MTFR1: variants seen among roughly 807,000 people sequenced by gnomAD.
The protein encoded by MTFR1 is mitochondrial fission regulator 1, also known as chondrocyte protein with a poly-proline region.
MTFR1 carries 28 observed loss-of-function variants against 38.8 expected under a neutral mutation model. The ratio of observed to expected loss-of-function variants is 0.72; its 90% CI spans 0.53 to 0.99. The LOEUF (loss-of-function observed/expected upper bound fraction) is 0.99, where lower values mean the gene tolerates loss of function less well. Among genes scored for constraint, MTFR1 ranks in the 50% least tolerant of loss-of-function variants. MTFR1 has a pLI of 0.00. For missense variants in MTFR1, 358 were observed against 395.5 expected (o/e 0.91, Z 0.81); for synonymous variants, 145 against 137.0 (o/e 1.06, Z -0.41).
chr8:65,676,949 G>A (rs1804724951), intron 2 of MTFR1, among the ~76,000 whole-genome samples: 1 of 151,796 alleles, frequency 6.6e-6, no homozygotes, highest in Admixed American at 6.6e-5. Context: ...GTTATGGACT[G>A]TCATTACTAG....
chr8:65,773,082 T>C (rs771743253), downstream of MTFR1, among the ~76,000 whole-genome samples: 1 of 152,096 alleles, frequency 6.6e-6, no homozygotes, highest in Non-Finnish European at 1.5e-5. Flanking sequence ...TTTAGGACAA[T>C]CAGAGGAGTC....
downstream of MTFR1, among the ~76,000 whole-genome samples, chr8:65,712,881 C>G (rs189505657): frequency 6.6e-6 from 1 of 152,344 alleles, no homozygotes; most frequent in African/African-American, 2.4e-5. Context: ...TCTGTAACTT[C>G]TTTTACTGAT....
At chr8:65,757,709 C>T (rs1285952894) in intron 3 of MTFR1, among the ~76,000 whole-genome samples, 1 of 152,178 alleles carries the variant, frequency 6.6e-6, no homozygotes, top group Non-Finnish European at 1.5e-5. Context: ...ACCTCTGCTT[C>T]CCGGGTCCAA....
intron 1 of MTFR1, among the ~76,000 whole-genome samples, chr8:65,668,921 A>G (rs1186469765): frequency 6.6e-6 from 1 of 152,190 alleles, no homozygotes; most frequent in African/African-American, 2.4e-5. Flanking sequence ...TCTATACCAT[A>G]CAAGTTAACA....
chr8:65,775,842 T>TG (rs1809244335), downstream of MTFR1, among the ~76,000 whole-genome samples: 1 of 152,214 alleles, frequency 6.6e-6, no homozygotes, highest in South Asian at 2.1e-4. Flanking sequence ...TTGGCCAGGC[T>TG]GGTCTTAAAC....
chr8:65,701,383 G>A (rs923068485), intron 4 of MTFR1, among the ~76,000 whole-genome samples: 1 of 152,212 alleles, frequency 6.6e-6, no homozygotes, highest in African/African-American at 2.4e-5. Context: ...TGACATCATA[G>A]ACATTGTCAT....
intron 1 of MTFR1, among the ~76,000 whole-genome samples, chr8:65,652,507 T>C (rs1424883230): frequency 6.6e-6 from 1 of 152,238 alleles, no homozygotes; most frequent in Non-Finnish European, 1.5e-5. Flanking sequence ...GTGCTGGGAT[T>C]ACAGGCATGA....
At chr8:65,670,551 G>C (rs1483007435) in intron 2 of MTFR1, among the ~76,000 whole-genome samples, 2 of 152,020 alleles carry the variant, frequency 1.3e-5, no homozygotes, top group Non-Finnish European at 2.9e-5. Flanking sequence ...AGTTTGTTTA[G>C]ACCTATAAAT....
intron 4 of MTFR1, among the ~76,000 whole-genome samples, chr8:65,694,003 T>A (rs1293302494): frequency 6.6e-6 from 1 of 151,642 alleles, no homozygotes; most frequent in African/African-American, 2.4e-5. Context: ...CCCAGGCTCA[T>A]GTGATTCTCC....
chr8:65,651,271 A>G (rs1043066753), intron 1 of MTFR1, among the ~76,000 whole-genome samples: 2 of 151,722 alleles, frequency 1.3e-5, no homozygotes, highest in African/African-American at 4.8e-5. Flanking sequence ...TGATTATTTC[A>G]TTTGCTATGC....
At chr8:65,738,640 C>T (rs148789952) in intron 3 of MTFR1, among the ~76,000 whole-genome samples, 23 of 152,128 alleles carry the variant, frequency 1.5e-4, no homozygotes, top group African/African-American at 5.3e-4. Context: ...GCCATGTTGG[C>T]CAAGCTGGTC....
intron 3 of MTFR1, among the ~76,000 whole-genome samples, chr8:65,723,930 A>G (rs142886854): frequency 6.6e-6 from 1 of 152,170 alleles, no homozygotes; most frequent in Non-Finnish European, 1.5e-5. Context: ...TTACACACAC[A>G]AAAGTTTTAC....
At chr8:65,695,347 A>ATT (rs61505221) in intron 4 of MTFR1, among the ~76,000 whole-genome samples, 10 of 148,324 alleles carry the variant, frequency 6.7e-5, no homozygotes, top group East Asian at 2.0e-4. Context: ...TGGTGAAACA[A>ATT]TTTTTTTTTT....
At chr8:65,707,310 A>G in intron 6 of MTFR1, 54 bp downstream of exon 6, 1 of 1,553,458 alleles carries the variant, frequency 6.4e-7, no homozygotes, top group South Asian at 1.2e-5. Flanking sequence ...ATAAAACCAA[A>G]GTACCAGGCT....
intron 1 of MTFR1, among the ~76,000 whole-genome samples, chr8:65,666,972 A>G (rs1423201158): frequency 6.6e-6 from 1 of 152,216 alleles, no homozygotes. Context: ...TGAAAAACAT[A>G]TTAGAAAATT....
At chr8:65,733,037 T>C (rs1053262504) in intron 3 of MTFR1, among the ~76,000 whole-genome samples, 12 of 152,314 alleles carry the variant, frequency 7.9e-5, no homozygotes, top group African/African-American at 2.2e-4. Flanking sequence ...AAATGTTCAC[T>C]ATGATAAGGG....
intron 1 of MTFR1, among the ~76,000 whole-genome samples, chr8:65,655,970 CAT>C (rs1367084824): frequency 1.9e-5 from 1 of 53,622 alleles, no homozygotes; most frequent in Non-Finnish European, 3.1e-5. Context: ...ATATATATAC[CAT>C]ATATATATAT....
At chr8:65,686,301 GTGGCTC>G (rs1805069522) in intron 3 of MTFR1, among the ~76,000 whole-genome samples, 1 of 152,166 alleles carries the variant, frequency 6.6e-6, no homozygotes, top group Admixed American at 6.5e-5. Flanking sequence ...GCCCAGCACA[GTGGCTC>G]GCACCTGTAA....
downstream of MTFR1, among the ~76,000 whole-genome samples, chr8:65,775,498 C>T (rs931434578): frequency 2.6e-5 from 4 of 152,196 alleles, no homozygotes; most frequent in African/African-American, 9.7e-5. Flanking sequence ...TTATGGTCTA[C>T]CTCTTTGACC....
Sources: allele counts gnomAD v4.1 joint callset (sites outside exome capture counted in the v4.1 genomes callset), GRCh38; gene constraint gnomAD v4.1.1; transcripts MANE v1.5; gene names NCBI Gene and HGNC (gene_info 2026-07-23, HGNC 2026-07-21).